SPAG16: variants seen among roughly 807,000 people sequenced by gnomAD.
SPAG16 encodes the protein sperm-associated antigen 16 protein.
Under a neutral mutation model 80.4 loss-of-function variants are expected in SPAG16, and 86 were observed. That is an observed-to-expected ratio of 1.07 (90% CI 0.90 to 1.28). SPAG16 has a LOEUF of 1.28. Among genes scored for constraint, SPAG16 ranks in the 50% most tolerant of loss-of-function variants. The probability of loss-of-function intolerance (pLI) is 0.00; values close to 1 mark genes in which losing one functional copy is unlikely to be tolerated. For missense variants in SPAG16, 870 were observed against 765.3 expected (o/e 1.14, Z -1.61); for synonymous variants, 294 against 265.9 (o/e 1.11, Z -1.03).
chr2:213,818,846 C>T (rs1350011397), intron 10 of SPAG16, among the ~76,000 whole-genome samples: 2 of 152,100 alleles, frequency 1.3e-5, no homozygotes, highest in African/African-American at 4.8e-5. Context: ...TCTCTCCTGC[C>T]ACCATGTGAA....
At chr2:213,292,784 C>T (rs2062345569) in intron 1 of SPAG16, among the ~76,000 whole-genome samples, 1 of 151,512 alleles carries the variant, frequency 6.6e-6, no homozygotes, top group Non-Finnish European at 1.5e-5. Context: ...GGAACAGAGG[C>T]ATGAGAAATT....
At chr2:213,468,671 T>C (rs868235140) in intron 9 of SPAG16, among the ~76,000 whole-genome samples, 9 of 143,708 alleles carry the variant, frequency 6.3e-5, no homozygotes, top group Non-Finnish European at 1.2e-4. Context: ...TGTGTGTGTG[T>C]ATATATATGT....
intron 9 of SPAG16, chr2:213,422,226 C>A (rs1490413788): frequency 2.8e-6 from 2 of 701,756 alleles, no homozygotes; most frequent in Non-Finnish European, 5.2e-6. Flanking sequence ...CTCTTTGGGG[C>A]TGTGCAGTTT....
At chr2:213,398,794 A>T (rs2068171315) in intron 9 of SPAG16, among the ~76,000 whole-genome samples, 1 of 152,176 alleles carries the variant, frequency 6.6e-6, no homozygotes, top group South Asian at 2.1e-4. Flanking sequence ...TCCCACTAGA[A>T]TGTAAGTCCC....
intron 11 of SPAG16, among the ~76,000 whole-genome samples, chr2:213,914,112 T>G (rs1010308313): frequency 6.6e-6 from 1 of 152,130 alleles, no homozygotes; most frequent in Non-Finnish European, 1.5e-5. Flanking sequence ...CCATACCCCT[T>G]TATTACCTTA....
At chr2:214,378,943 G>A (rs1700289870) in intron 15 of SPAG16, among the ~76,000 whole-genome samples, 1 of 152,162 alleles carries the variant, frequency 6.6e-6, no homozygotes, top group African/African-American at 2.4e-5. Flanking sequence ...CGTTCTGCCA[G>A]GCTTAGACTG....
At chr2:214,170,901 T>C (rs1272989697) in intron 15 of SPAG16, among the ~76,000 whole-genome samples, 1 of 152,056 alleles carries the variant, frequency 6.6e-6, no homozygotes, top group Non-Finnish European at 1.5e-5. Context: ...GTGTTAGAAA[T>C]TATAAACTCA....
intron 9 of SPAG16, among the ~76,000 whole-genome samples, chr2:213,387,069 C>T (rs571016664): frequency 6.6e-5 from 10 of 152,116 alleles, no homozygotes; most frequent in Admixed American, 2.0e-4. Flanking sequence ...GAGTGCCATA[C>T]AGATTTGAAT....
At chr2:214,260,854 C>T (rs919145390) in intron 15 of SPAG16, among the ~76,000 whole-genome samples, 1 of 151,936 alleles carries the variant, frequency 6.6e-6, no homozygotes, top group African/African-American at 2.4e-5. Flanking sequence ...CAACTGTAAT[C>T]CCAGCACTTT....
intron 9 of SPAG16, among the ~76,000 whole-genome samples, chr2:213,455,608 G>T (rs1289532944): frequency 6.6e-6 from 1 of 152,176 alleles, no homozygotes; most frequent in Non-Finnish European, 1.5e-5. Flanking sequence ...CAGGGGTTTA[G>T]TTTGGGGCCA....
At chr2:213,682,307 A>C (rs765192872) in intron 10 of SPAG16, among the ~76,000 whole-genome samples, 2 of 152,216 alleles carry the variant, frequency 1.3e-5, no homozygotes, top group Non-Finnish European at 2.9e-5. Flanking sequence ...AAACCAGATC[A>C]TAACCCCCTG....
chr2:213,942,274 A>G (rs2079234765), intron 12 of SPAG16, among the ~76,000 whole-genome samples: 1 of 152,176 alleles, frequency 6.6e-6, no homozygotes, highest in Admixed American at 6.6e-5. Context: ...TTTCATGTTT[A>G]TAACCTCAAC....
At chr2:214,372,270 C>T (rs1461599049) in intron 15 of SPAG16, among the ~76,000 whole-genome samples, 1 of 152,146 alleles carries the variant, frequency 6.6e-6, no homozygotes, top group Non-Finnish European at 1.5e-5. Context: ...AAACAGCCTG[C>T]AGTGTGTTCT....
At chr2:213,698,305 A>G (rs190972957) in intron 10 of SPAG16, among the ~76,000 whole-genome samples, 231 of 152,266 alleles carry the variant, frequency 1.5e-3, no homozygotes, top group African/African-American at 5.4e-3. Context: ...TCTATTGCCC[A>G]GGCTGGAGTG....
intron 13 of SPAG16, among the ~76,000 whole-genome samples, chr2:214,046,203 T>C (rs564196975): frequency 6.6e-6 from 1 of 152,256 alleles, no homozygotes; most frequent in South Asian, 2.1e-4. Flanking sequence ...ATCATAGTTG[T>C]AATAAAAACT....
chr2:214,172,389 T>A (rs1309117096), intron 15 of SPAG16, among the ~76,000 whole-genome samples: 1 of 152,116 alleles, frequency 6.6e-6, no homozygotes, highest in Non-Finnish European at 1.5e-5. Context: ...AATGATGATT[T>A]CCAATTTCAT....
At chr2:213,920,743 T>C (rs1253200105) in intron 11 of SPAG16, among the ~76,000 whole-genome samples, 10 of 152,186 alleles carry the variant, frequency 6.6e-5, no homozygotes, top group Admixed American at 6.5e-4. Flanking sequence ...AGAGTTCAAG[T>C]CTGAGAGTTT....
intron 15 of SPAG16, among the ~76,000 whole-genome samples, chr2:214,206,331 T>C (rs1449300681): frequency 6.6e-6 from 1 of 152,082 alleles, no homozygotes; most frequent in African/African-American, 2.4e-5. Flanking sequence ...TCTACCTTCA[T>C]GAGATTAACG....
chr2:214,218,974 A>G (rs1358036016), intron 15 of SPAG16, among the ~76,000 whole-genome samples: 1 of 152,190 alleles, frequency 6.6e-6, no homozygotes, highest in Non-Finnish European at 1.5e-5. Context: ...TGGCCTTGGG[A>G]AATTAAAAAT....
Sources: gnomAD v4.1 joint callset for allele counts (sites outside exome capture counted in the v4.1 genomes callset) on GRCh38, gnomAD v4.1.1 for gene constraint, MANE v1.5 for transcripts, NCBI Gene and HGNC (gene_info 2026-07-23, HGNC 2026-07-21) for gene names.